The following PLPP4 variants were observed in gnomAD, a reference collection of about 807,000 sequenced individuals.
PLPP4 encodes diacylglycerol pyrophosphate like 2.
Under a neutral mutation model 32.2 loss-of-function variants are expected in PLPP4, and 20 were observed. That is an observed-to-expected ratio of 0.62 (90% CI 0.44 to 0.90). The LOEUF (loss-of-function observed/expected upper bound fraction) is 0.90. Among genes scored for constraint, PLPP4 ranks in the 40% least tolerant of loss-of-function variants. The probability of loss-of-function intolerance (pLI) is 0.00; values close to 1 mark genes in which losing one functional copy is unlikely to be tolerated. For missense variants in PLPP4, 257 were observed against 353.1 expected (o/e 0.73, Z 2.18); for synonymous variants, 127 against 133.0 (o/e 0.95, Z 0.31).
intron 6 of PLPP4, chr10:120,581,465 A>G (rs916998444): frequency 1.1e-4 from 21 of 198,002 alleles, no homozygotes; most frequent in Non-Finnish European, 8.2e-5. Flanking sequence ...CACTTTTGCA[A>G]AAATCCTCCA....
At chr10:120,494,458 TGAGATTTAGAGTGAGGGCAC>T (rs1844870433) in intron 1 of PLPP4, among the ~76,000 whole-genome samples, 1 of 151,926 alleles carries the variant, frequency 6.6e-6, no homozygotes, top group Non-Finnish European at 1.5e-5. Flanking sequence ...GAAAAGGGCA[TGAGATTTAGAGTGAGGGCAC>T]GAGGACATGA....
chr10:120,503,352 C>A (rs145561317), intron 1 of PLPP4, among the ~76,000 whole-genome samples: 1 of 152,192 alleles, frequency 6.6e-6, no homozygotes. Flanking sequence ...CCCCTTTCTT[C>A]CCCCCAGTTT....
intron 1 of PLPP4, among the ~76,000 whole-genome samples, chr10:120,474,471 A>T (rs1033333491): frequency 1.2e-4 from 19 of 152,300 alleles, no homozygotes; most frequent in Middle Eastern, 3.4e-3. Context: ...TGACAGTTAT[A>T]TGGAAGTCCC....
intron 5 of PLPP4, among the ~76,000 whole-genome samples, chr10:120,560,664 A>G (rs1015210679): frequency 1.3e-5 from 2 of 152,226 alleles, no homozygotes; most frequent in Admixed American, 6.5e-5. Context: ...CTGAGGCAGG[A>G]GAATCATTTG....
At position 120,589,785 on chromosome 10, in the gene PLPP4, G is replaced by T. The variant is rs1221768289; in HGVS notation, c.*283G>T. 2 of 379,744 alleles carry T rather than the reference G, an allele frequency of 5.3e-6. No individual in the cohort carries two copies. The highest frequency in any genetic ancestry group is 4.8e-6 in the Non-Finnish European group (1 of 210,490). 23.5% of individuals were successfully genotyped at this position (379,744 alleles called of 1,614,324 possible). ...GCCGATTCGTCTATCTGAAATGTTT[G>T]CTGTAACAGCCACCTTCCTATGTTT... On this transcript the variant is annotated 3_prime_UTR_variant, in exon 7 of 7. Transcript: ENST00000398250.
intron 5 of PLPP4, among the ~76,000 whole-genome samples, chr10:120,559,406 TAAAG>T (rs1848316729): frequency 6.6e-6 from 1 of 152,196 alleles, no homozygotes; most frequent in African/African-American, 2.4e-5. Flanking sequence ...TAATCCTTAT[TAAAG>T]AAAGAGTACA....
chr10:120,538,046 C>CTGTGTG (rs1564825161), intron 5 of PLPP4, among the ~76,000 whole-genome samples: 7 of 24,698 alleles, frequency 2.8e-4, no homozygotes, highest in African/African-American at 5.1e-4. Flanking sequence ...CTCTCTCTCT[C>CTGTGTG]TCTCTCTGTG....
At chr10:120,482,211 G>C (rs547549032) in intron 1 of PLPP4, among the ~76,000 whole-genome samples, 2 of 152,208 alleles carry the variant, frequency 1.3e-5, no homozygotes, top group African/African-American at 4.8e-5. Context: ...GCAGAGGTTG[G>C]AACAGTTTGG....
At chr10:120,457,677 C>G (rs922763399) in intron 1 of PLPP4, among the ~76,000 whole-genome samples, 8 of 152,190 alleles carry the variant, frequency 5.3e-5, no homozygotes, top group Admixed American at 2.0e-4. Flanking sequence ...TAAACAGGGA[C>G]GCGCACCCTG....
chr10:120,484,268 A>T (rs774283781), intron 1 of PLPP4, among the ~76,000 whole-genome samples: 1 of 152,242 alleles, frequency 6.6e-6, no homozygotes, highest in African/African-American at 2.4e-5. Context: ...CTAACAGTAT[A>T]TCATTGCAAA....
At chr10:120,493,662 C>G (rs532537416) in intron 1 of PLPP4, among the ~76,000 whole-genome samples, 3 of 152,312 alleles carry the variant, frequency 2.0e-5, no homozygotes, top group South Asian at 2.1e-4. Flanking sequence ...AATCCCCCCC[C>G]ATCCTACCCC....
intron 5 of PLPP4, among the ~76,000 whole-genome samples, chr10:120,533,433 A>G (rs1846839465): frequency 6.6e-6 from 1 of 152,160 alleles, no homozygotes; most frequent in Non-Finnish European, 1.5e-5. Flanking sequence ...TCTCAAATAT[A>G]TGACTTGCAA....
chr10:120,546,659 C>T lies in PLPP4; in HGVS notation c.445+25564C>T, dbSNP rs79977808. On this transcript the variant is annotated intron_variant, in intron 5 of 6. Coordinates refer to ENST00000398250, the MANE Select transcript of PLPP4 (RefSeq NM_001030059.3). ...CTCCTTCCCCCAACGCAGTGCCCTCCTGGCTCTTCCCTATAGCCTACCCTG... is the reference window on the plus strand; with the variant it reads ...CTCCTTCCCCCAACGCAGTGCCCTCTTGGCTCTTCCCTATAGCCTACCCTG... Among the ~76,000 whole-genome samples the T allele has an allele frequency of 8.1e-3, 1,234 of 152,260 alleles. 22 individuals carry two copies. The highest frequency in any genetic ancestry group is 0.029 in the African/African-American group (1,186 of 41,534).
At chr10:120,573,641 A>T (rs1036532035) in intron 5 of PLPP4, among the ~76,000 whole-genome samples, 2 of 152,212 alleles carry the variant, frequency 1.3e-5, no homozygotes, top group African/African-American at 4.8e-5. Context: ...TTCAATATTT[A>T]TCAATAACTT....
At chr10:120,514,742 C>A (rs986956899) in intron 3 of PLPP4, among the ~76,000 whole-genome samples, 3 of 152,132 alleles carry the variant, frequency 2.0e-5, no homozygotes, top group South Asian at 4.1e-4. Context: ...AATAAACTAA[C>A]CTGTAGCCAG....
chr10:120,570,344 C>G (rs1479306277), intron 5 of PLPP4, among the ~76,000 whole-genome samples: 1 of 152,090 alleles, frequency 6.6e-6, no homozygotes, highest in African/African-American at 2.4e-5. Context: ...ATTAAACTAC[C>G]CAACGTTGCC....
At chr10:120,489,800 A>T (rs1043125864) in intron 1 of PLPP4, among the ~76,000 whole-genome samples, 1 of 152,214 alleles carries the variant, frequency 6.6e-6, no homozygotes, top group Non-Finnish European at 1.5e-5. Flanking sequence ...GGCTGCAATT[A>T]GTTCAGGTTG....
chr10:120,538,315 G>A (rs531470278), intron 5 of PLPP4, among the ~76,000 whole-genome samples: 11 of 151,078 alleles, frequency 7.3e-5, no homozygotes, highest in Non-Finnish European at 1.5e-4. Context: ...CATAATTAGG[G>A]AGTTAACTCT....
rs34914600 is a variant in PLPP4 at position 120,579,943 on chromosome 10, TAAAAAAAA to T, written c.616+4652_616+4659del. Among the ~76,000 whole-genome samples, 5 of 127,260 alleles carry T rather than the reference TAAAAAAAA, an allele frequency of 3.9e-5. No individual in the cohort carries two copies. The Admixed American group carries it at 3.9e-4, about 10-fold the overall frequency. 83.5% of individuals were successfully genotyped at this position (127,260 alleles called of 152,430 possible). Reference sequence around the variant, plus strand: ...TAACATGGTGAAACCCCGTCTCTACTAAAAAAAAAAAAAAAAATACAAAAAAATTAGCC... The same window carrying T: ...TAACATGGTGAAACCCCGTCTCTACTAAAAAAAAATACAAAAAAATTAGCC... On this transcript the variant is annotated intron_variant, in intron 6 of 6. Transcript: ENST00000398250.
Sources: allele counts gnomAD v4.1 joint callset (sites outside exome capture counted in the v4.1 genomes callset), GRCh38; gene constraint gnomAD v4.1.1; transcripts MANE v1.5; gene names NCBI Gene and HGNC (gene_info 2026-07-23, HGNC 2026-07-21).